Variants in YWHAE observed in about 807,000 individuals in gnomAD.
YWHAE encodes tyrosine 3-monooxygenase/tryptophan 5-monooxygenase activation protein epsilon.
Under a neutral mutation model 30.1 loss-of-function variants are expected in YWHAE, and 4 were observed. The ratio of observed to expected loss-of-function variants is 0.13; its 90% CI spans 0.07 to 0.30. The LOEUF is 0.30. Among genes scored for constraint, YWHAE ranks in the 10% least tolerant of loss-of-function variants. YWHAE has a pLI of 1.00. For missense variants in YWHAE, 121 were observed against 315.9 expected (o/e 0.38, Z 4.68); for synonymous variants, 118 against 111.8 (o/e 1.06, Z -0.35).
At chr17:1,364,624 G>A (rs1297847249) in intron 2 of YWHAE, 1 of 554,762 alleles carries the variant, frequency 1.8e-6, no homozygotes, top group South Asian at 2.3e-5. Context: ...GCCAGTGGAT[G>A]TGATGAAACC....
chr17:1,361,271 T>G lies in YWHAE; in HGVS notation c.399A>C (p.Ala133=). 6.2e-7 allele frequency: 1 copy of G among 1,612,836 alleles called. No homozygotes were observed. Residue 133 remains alanine (A), a synonymous_variant, in exon 4 of 6, where the codon GCA becomes GCC. Coordinates refer to ENST00000264335, the MANE Select transcript of YWHAE (RefSeq NM_006761.5). ...KMKGDYHRYL[A]EFATGNDRKE... ...TCCTGTCGTTTCCTGTGGCAAATTCTGCCAGATACCTGTGGTAGTCCCCTT... is the reference window on the plus strand; with the variant it reads ...TCCTGTCGTTTCCTGTGGCAAATTCGGCCAGATACCTGTGGTAGTCCCCTT...
At chr17:1,382,533 TG>T (rs2073229981) in intron 1 of YWHAE, among the ~76,000 whole-genome samples, 1 of 151,150 alleles carries the variant, frequency 6.6e-6, no homozygotes, top group South Asian at 2.1e-4. Flanking sequence ...ATTTTTTTTT[TG>T]TATCTTTAGT....
chr17:1,397,241 A>G (rs1279543130), intron 1 of YWHAE, among the ~76,000 whole-genome samples: 1 of 152,196 alleles, frequency 6.6e-6, no homozygotes, highest in African/African-American at 2.4e-5. Context: ...ACGGGACAGT[A>G]AGAGCTGTTT....
At position 1,359,812 on chromosome 17, in the gene YWHAE, T is replaced by TTTGTGTGTG. The variant is rs1246096572; in HGVS notation, c.578+1279_578+1280insCACACACAA. On this transcript the variant is annotated intron_variant, in intron 4 of 5. Transcript: ENST00000264335. Reference sequence around the variant, plus strand: ...CAATGTATTCGGTGCCACTAAATTGTTGTGTGTGTGTGTGTGTGTGTGTGT... The same window carrying TTTGTGTGTG: ...CAATGTATTCGGTGCCACTAAATTGTTTGTGTGTGTGTGTGTGTGTGTGTGTGTGTGTGT... Among the ~76,000 whole-genome samples, 52 of 130,718 alleles carry TTTGTGTGTG rather than the reference T, an allele frequency of 4.0e-4. No homozygotes were observed. In the East Asian group the frequency reaches 4.8e-3, roughly 12 times the overall value. 85.8% of individuals were successfully genotyped at this position (130,718 alleles called of 152,430 possible).
At chr17:1,380,612 A>G (rs1468909997) in intron 1 of YWHAE, among the ~76,000 whole-genome samples, 1 of 152,188 alleles carries the variant, frequency 6.6e-6, no homozygotes, top group African/African-American at 2.4e-5. Flanking sequence ...CCAAGATTAA[A>G]TAACAAAAAA....
intron 1 of YWHAE, among the ~76,000 whole-genome samples, chr17:1,372,405 T>C (rs896959896): frequency 2.6e-5 from 4 of 152,260 alleles, no homozygotes; most frequent in African/African-American, 7.2e-5. Context: ...GGACTAGCAC[T>C]TTTTAATCTC....
At chr17:1,393,347 A>T (rs1019943969) in intron 1 of YWHAE, among the ~76,000 whole-genome samples, 3 of 151,824 alleles carry the variant, frequency 2.0e-5, no homozygotes, top group Non-Finnish European at 2.9e-5. Context: ...AAAAGATAAA[A>T]GTGAGAGGAG....
chr17:1,388,861 G>A (rs904020454), intron 1 of YWHAE, among the ~76,000 whole-genome samples: 24 of 152,034 alleles, frequency 1.6e-4, no homozygotes, highest in African/African-American at 5.3e-4. Context: ...ATATTTTCTG[G>A]TCAAATAACG....
intron 2 of YWHAE, among the ~76,000 whole-genome samples, chr17:1,364,352 G>A (rs530534606): frequency 4.0e-5 from 6 of 151,810 alleles, no homozygotes; most frequent in South Asian, 2.1e-4. Context: ...TCAGCCTCCC[G>A]AGTAGCTGGG....
chr17:1,364,640 A>G, intron 2 of YWHAE: 1 of 586,460 alleles, frequency 1.7e-6, no homozygotes, highest in Non-Finnish European at 2.9e-6. Flanking sequence ...AAACCATGGA[A>G]AATACCAAAC....
At chr17:1,350,926 G>T (rs995813566) in intron 5 of YWHAE, among the ~76,000 whole-genome samples, 1 of 151,372 alleles carries the variant, frequency 6.6e-6, no homozygotes, top group African/African-American at 2.4e-5. Context: ...GGGTATGGTG[G>T]CGCACGCCTG....
chr17:1,396,495 C>T (rs2073473952), intron 1 of YWHAE, among the ~76,000 whole-genome samples: 1 of 152,172 alleles, frequency 6.6e-6, no homozygotes, highest in African/African-American at 2.4e-5. Flanking sequence ...ACATGACCAT[C>T]AAAACTTCAT....
chr17:1,399,992 T>A, intron 1 of YWHAE, 55 bp downstream of exon 1: 5 of 1,602,656 alleles, frequency 3.1e-6, no homozygotes, highest in Non-Finnish European at 4.3e-6. Flanking sequence ...CCGGCCTCTG[T>A]GGGCGGCGGC....
intron 5 of YWHAE, among the ~76,000 whole-genome samples, chr17:1,352,893 C>T (rs2072659206): frequency 3.3e-5 from 5 of 152,148 alleles, no homozygotes; most frequent in Admixed American, 3.3e-4. Flanking sequence ...CAACCTCCTA[C>T]CAGCACCACC....
chr17:1,392,971 G>A (rs1399041640), intron 1 of YWHAE, among the ~76,000 whole-genome samples: 3 of 151,958 alleles, frequency 2.0e-5, no homozygotes, highest in Non-Finnish European at 4.4e-5. Flanking sequence ...GGGAGGCCAA[G>A]TCTGACAGAT....
chr17:1,359,812 T>TTG (rs59650315), intron 4 of YWHAE, among the ~76,000 whole-genome samples: 17,625 of 130,338 alleles, frequency 0.14, 1,247 homozygotes, highest in African/African-American at 0.19. Flanking sequence ...CACTAAATTG[T>TTG]TGTGTGTGTG....
chr17:1,381,538 T>C (rs1362294467), intron 1 of YWHAE, among the ~76,000 whole-genome samples: 1 of 151,100 alleles, frequency 6.6e-6, no homozygotes, highest in Non-Finnish European at 1.5e-5. Context: ...AAAAAATAAG[T>C]AAATAAAACA....
At chr17:1,374,409 C>CT in intron 1 of YWHAE, among the ~76,000 whole-genome samples, 1 of 151,990 alleles carries the variant, frequency 6.6e-6, no homozygotes, top group Non-Finnish European at 1.5e-5. Context: ...TACGAACGTT[C>CT]TTTAAGTTTT....
In YWHAE at chr17:1,394,436, C is replaced by CAAAAAAAAAAAAA. The variant is rs544115909; in HGVS notation, c.64+5598_64+5610dup. On this transcript the variant is annotated intron_variant, in intron 1 of 5. Transcript: ENST00000264335. ...GGGCAACATAGAGACCTCAAATCCA[C>CAAAAAAAAAAAAA]AAAAAAAAAAAAAAAAAAAAAAAAA... Among the ~76,000 whole-genome samples the CAAAAAAAAAAAAA allele has an allele frequency of 1.3e-3, 77 of 58,542 alleles. 2 individuals are homozygous for CAAAAAAAAAAAAA. The highest frequency in any genetic ancestry group is 3.2e-3 in the African/African-American group (36 of 11,338). 38.4% of individuals were successfully genotyped at this position (58,542 alleles called of 152,430 possible).
Sources: gnomAD v4.1 joint callset for allele counts (sites outside exome capture counted in the v4.1 genomes callset) on GRCh38, gnomAD v4.1.1 for gene constraint, MANE v1.5 for transcripts, NCBI Gene and HGNC (gene_info 2026-07-23, HGNC 2026-07-21) for gene names.